The following NFAM1 variants were observed in gnomAD, a reference collection of about 807,000 sequenced individuals.
NFAM1 encodes the protein NFAT activation molecule 1.
NFAM1 carries 17 observed loss-of-function variants against 29.0 expected under a neutral mutation model. That is an observed-to-expected ratio of 0.59 (90% CI 0.40 to 0.88). The LOEUF is 0.88. Among genes scored for constraint, NFAM1 ranks in the 40% least tolerant of loss-of-function variants. The pLI is 0.00. For missense variants in NFAM1, 324 were observed against 344.6 expected (o/e 0.94, Z 0.47); for synonymous variants, 175 against 147.2 (o/e 1.19, Z -1.36).
At chr22:42,408,190 A>G (rs1288534395) in intron 3 of NFAM1, among the ~76,000 whole-genome samples, 1 of 152,162 alleles carries the variant, frequency 6.6e-6, no homozygotes, top group African/African-American at 2.4e-5. Flanking sequence ...CACCGTGCTC[A>G]GCCTCAGATA....
At chr22:42,429,100 G>A (rs896986875) in intron 1 of NFAM1, among the ~76,000 whole-genome samples, 1 of 152,214 alleles carries the variant, frequency 6.6e-6, no homozygotes, top group Non-Finnish European at 1.5e-5. Flanking sequence ...TACCCAGGAT[G>A]AGCTGGAGGC....
chr22:42,415,273 C>G (rs987600218), intron 1 of NFAM1, among the ~76,000 whole-genome samples: 1 of 151,306 alleles, frequency 6.6e-6, no homozygotes, highest in Non-Finnish European at 1.5e-5. Flanking sequence ...TGCACCTACA[C>G]CTTCCTTTCT....
intron 3 of NFAM1, among the ~76,000 whole-genome samples, chr22:42,405,520 G>A (rs890779127): frequency 1.3e-5 from 2 of 152,124 alleles, no homozygotes; most frequent in South Asian, 4.1e-4. Flanking sequence ...AGGGAGGGAG[G>A]GCATATATTG....
intron 1 of NFAM1, among the ~76,000 whole-genome samples, chr22:42,427,358 G>A (rs1043310139): frequency 6.6e-6 from 1 of 152,100 alleles, no homozygotes; most frequent in Non-Finnish European, 1.5e-5. Flanking sequence ...CAGAGGAAGG[G>A]CAGAGGACGA....
At chr22:42,432,744 AC>A (rs1307759631), upstream of NFAM1, among the ~76,000 whole-genome samples, 2 of 152,168 alleles carry the variant, frequency 1.3e-5, no homozygotes, top group Non-Finnish European at 2.9e-5. Flanking sequence ...CACTTTTAAA[AC>A]GACCACAAGC....
intron 1 of NFAM1, among the ~76,000 whole-genome samples, chr22:42,431,627 G>T (rs1349828682): frequency 1.3e-5 from 2 of 152,224 alleles, no homozygotes; most frequent in Non-Finnish European, 2.9e-5. Flanking sequence ...CTGGAACCAG[G>T]AAAGGAGCGC....
chr22:42,385,344 G>A, intron 5 of NFAM1, 124 bp from the exon 6 acceptor site: 1 of 738,330 alleles, frequency 1.4e-6, no homozygotes, highest in Non-Finnish European at 2.4e-6. Flanking sequence ...GCTTTGATGG[G>A]GGGCCTGCCC....
intron 3 of NFAM1, among the ~76,000 whole-genome samples, chr22:42,404,441 C>T (rs889097639): frequency 1.3e-5 from 2 of 152,114 alleles, no homozygotes; most frequent in African/African-American, 2.4e-5. Context: ...GCATCCACAG[C>T]GAACCAGGGG....
chr22:42,415,703 G>T (rs1930240148), intron 1 of NFAM1, among the ~76,000 whole-genome samples: 1 of 152,204 alleles, frequency 6.6e-6, no homozygotes, highest in South Asian at 2.1e-4. Context: ...GGCCCCTTCA[G>T]GGGTGTAGGC....
At chr22:42,396,267 C>T (rs1483432474) in intron 4 of NFAM1, among the ~76,000 whole-genome samples, 1 of 151,992 alleles carries the variant, frequency 6.6e-6, no homozygotes, top group Non-Finnish European at 1.5e-5. Flanking sequence ...AGAGCTCTTC[C>T]GTTAAACATA....
At chr22:42,414,179 G>A (rs1372503291) in intron 1 of NFAM1, among the ~76,000 whole-genome samples, 1 of 152,192 alleles carries the variant, frequency 6.6e-6, no homozygotes, top group Non-Finnish European at 1.5e-5. Flanking sequence ...ACTTGTAATT[G>A]ACATAACGAC....
intron 4 of NFAM1, 92 bp downstream of exon 4, chr22:42,397,765 TG>T: frequency 1.3e-6 from 1 of 755,676 alleles, no homozygotes; most frequent in Non-Finnish European, 2.4e-6. Context: ...TCCACACAGC[TG>T]GTACAAGACT....
intron 3 of NFAM1, among the ~76,000 whole-genome samples, chr22:42,399,022 G>A (rs142785820): frequency 1.6e-4 from 24 of 152,310 alleles, no homozygotes; most frequent in African/African-American, 5.8e-4. Flanking sequence ...TGCCCCACTG[G>A]GCAGAAGCGA....
chr22:42,420,159 C>T (rs1038169794), intron 1 of NFAM1, among the ~76,000 whole-genome samples: 1 of 151,744 alleles, frequency 6.6e-6, no homozygotes, highest in South Asian at 2.1e-4. Flanking sequence ...TACAGGCATG[C>T]GCCACCTCGC....
upstream of NFAM1, among the ~76,000 whole-genome samples, chr22:42,436,435 A>G (rs1179604443): frequency 6.6e-6 from 1 of 152,032 alleles, no homozygotes; most frequent in Admixed American, 6.5e-5. Context: ...AAACACCCTC[A>G]CTATCAAAAA....
intron 1 of NFAM1, among the ~76,000 whole-genome samples, chr22:42,422,211 G>A (rs893110803): frequency 2.6e-5 from 4 of 152,054 alleles, no homozygotes; most frequent in Admixed American, 1.3e-4. Flanking sequence ...GTGGCCGCTC[G>A]GGGACACAAA....
intron 4 of NFAM1, among the ~76,000 whole-genome samples, chr22:42,395,608 C>T (rs1361633915): frequency 2.0e-5 from 3 of 151,660 alleles, no homozygotes; most frequent in Admixed American, 6.6e-5. Flanking sequence ...GAAGGCCAGG[C>T]GCGGTGGCTC....
At chr22:42,428,857 G>T (rs1372839193) in intron 1 of NFAM1, among the ~76,000 whole-genome samples, 1 of 152,190 alleles carries the variant, frequency 6.6e-6, no homozygotes, top group Non-Finnish European at 1.5e-5. Context: ...AAGAAGGCAG[G>T]CCTGGAACTC....
rs1048392277 is a variant in NFAM1, at chr22:42,384,227, G to C, written c.*934C>G. The C allele has an allele frequency of 6.5e-6, 1 of 153,228 alleles. No homozygotes were observed. The highest frequency in any genetic ancestry group is 2.4e-5 in the African/African-American group (1 of 41,452). The allele number at this position is 153,228 out of a possible 1,614,324, so 9.5% of individuals were successfully genotyped here. ...TGGTGGGCACAGGATAGGCCAGACA[G>C]AAGGGACTTTGGGGGACTCCACCTT... On this transcript the variant is annotated 3_prime_UTR_variant, in exon 6 of 6. Transcript: ENST00000329021.
Sources: allele counts gnomAD v4.1 joint callset (sites outside exome capture counted in the v4.1 genomes callset), GRCh38; gene constraint gnomAD v4.1.1; transcripts MANE v1.5; gene names NCBI Gene and HGNC (gene_info 2026-07-23, HGNC 2026-07-21).